ANKFY1: variants seen among roughly 807,000 people sequenced by gnomAD.
ANKFY1 encodes the protein ankyrin repeat and FYVE domain containing 1, also known as ankyrin repeat and FYVE domain-containing protein 1.
In ANKFY1, 47 loss-of-function variants were observed where a neutral mutation model predicts 128.3. That is an observed-to-expected ratio of 0.37 (90% CI 0.29 to 0.47). ANKFY1 has a LOEUF of 0.47. Among genes scored for constraint, ANKFY1 ranks in the 20% least tolerant of loss-of-function variants. The probability of loss-of-function intolerance (pLI) is 1.00; values close to 1 mark genes in which losing one functional copy is unlikely to be tolerated. For missense variants in ANKFY1, 1,222 were observed against 1,510.6 expected (o/e 0.81, Z 3.17); for synonymous variants, 553 against 601.6 (o/e 0.92, Z 1.18).
Position 4,169,867 on chromosome 17 carries a change from ACTGG to A in ANKFY1, c.3287-583_3287-580del, listed in dbSNP as rs1187174918. ...ACAGGAATGACAATCACTTGGATTTACTGGCTGAACTCTCACTCTATCCCAGGCA... is the reference window on the plus strand; with the variant it reads ...ACAGGAATGACAATCACTTGGATTTACTGAACTCTCACTCTATCCCAGGCA... On this transcript the variant is annotated intron_variant, in intron 23 of 24. Transcript: ENST00000341657. The surrounding 1 kb of genome is among the most constrained non-coding windows in gnomAD (Gnocchi z 5.0). Among the ~76,000 whole-genome samples the A allele has an allele frequency of 6.6e-6, 1 of 152,214 alleles. No homozygotes were observed. Among genetic ancestry groups the A allele is most frequent in the African/African-American group, 2.4e-5 (1 of 41,448 alleles).
At chr17:4,242,676 T>C (rs1196240624) in intron 1 of ANKFY1, among the ~76,000 whole-genome samples, 1 of 152,198 alleles carries the variant, frequency 6.6e-6, no homozygotes, top group Non-Finnish European at 1.5e-5. Flanking sequence ...GGGGAATCAC[T>C]TGAGCCCAGG....
intron 1 of ANKFY1, among the ~76,000 whole-genome samples, chr17:4,259,982 C>T (rs7222085): frequency 6.6e-6 from 1 of 152,112 alleles, no homozygotes; most frequent in Non-Finnish European, 1.5e-5. Context: ...GGGACAAAGA[C>T]GCAGAGGTAG....
rs762472932 is a variant in ANKFY1 at position 4,206,433 on chromosome 17, T to G, written c.786A>C (p.Leu262=). The change falls in exon 7 of 25, where the codon CTA becomes CTC. Residue 262 remains leucine, a synonymous_variant. Coordinates refer to ENST00000341657, the MANE Select transcript of ANKFY1 (RefSeq NM_001330063.2). Reference sequence around the variant, plus strand: ...TACTCTCCAGTCGTCGTGAGAGGGCTAGATCTAATGCCAGATCTCCGTTAT... The same window carrying G: ...TACTCTCCAGTCGTCGTGAGAGGGCGAGATCTAATGCCAGATCTCCGTTAT... The part of the protein sequence containing the change: ...ADHNGDLALD[L]ALSRRLESIA... The G allele has an allele frequency of 6.6e-5, 106 of 1,614,058 alleles. No individual in the cohort carries two copies. Among genetic ancestry groups the G allele is most frequent in the Non-Finnish European group, 8.7e-5 (103 of 1,179,978 alleles).
In ANKFY1 at chr17:4,167,956, G is replaced by C. The variant is rs2059240623; in HGVS notation, c.3378-45C>G. 1.9e-6 allele frequency: 3 copies of C among 1,588,738 alleles called. No homozygotes were observed. The East Asian group carries it at 6.7e-5, about 36-fold the overall frequency. On this transcript the variant is annotated intron_variant, in intron 24 of 24. Coordinates refer to ENST00000341657, the MANE Select transcript of ANKFY1 (RefSeq NM_001330063.2). This position sits in a 1 kb window ranked among gnomAD's most constrained non-coding sequence, Gnocchi z 4.1. Reference sequence around the variant, plus strand: ...AAGTATGAGAGGAGCGCCAACGACAGACTCTGCTTCCTGGCACGTGAGGAC... The same window carrying C: ...AAGTATGAGAGGAGCGCCAACGACACACTCTGCTTCCTGGCACGTGAGGAC...
rs111687457 is a variant in ANKFY1 at position 4,183,736 on chromosome 17, G to A, written c.1798+76C>T. 6.7e-4 allele frequency: 992 copies of A among 1,480,422 alleles called. 7 individuals carry two copies. In the African/African-American group the frequency reaches 0.012, roughly 18 times the overall value. 91.7% of individuals were successfully genotyped at this position (1,480,422 alleles called of 1,614,324 possible). A position where few individuals can be genotyped will look rare whatever the true frequency, so the allele number is the denominator to read the frequency against. On this transcript the variant is annotated intron_variant, in intron 13 of 24. Transcript: ENST00000341657. ...TAGCCCAGTCTCCTCTTTCTTTCTC[G>A]CTCCCTCTGTCCCACCCGGCCCCAC...
intron 1 of ANKFY1, among the ~76,000 whole-genome samples, chr17:4,253,382 T>C (rs77248859): frequency 0.016 from 2,434 of 152,350 alleles, 58 homozygotes; most frequent in African/African-American, 0.056. Context: ...CTGGTGGTTA[T>C]ATGACTGTAT....
intron 4 of ANKFY1, among the ~76,000 whole-genome samples, chr17:4,215,515 T>G (rs1186355190): frequency 2.0e-5 from 3 of 152,220 alleles, no homozygotes; most frequent in Admixed American, 6.5e-5. Flanking sequence ...ATGTAATTCC[T>G]TCCAAGGACA....
chr17:4,170,790 C>A lies in ANKFY1; in HGVS notation c.3211G>T (p.Gly1071Trp). 1 of 1,614,146 alleles carries A rather than the reference C, an allele frequency of 6.2e-7. No homozygotes were observed. Among genetic ancestry groups the A allele is most frequent in the South Asian group, 1.1e-5 (1 of 91,082 alleles). ...TTGACTCCCTGGTTGTTATTCACCC[C>A]GAGGCGAGCCCCCGACCGGACGATG... ...RAIVRSGARL[G>W]VNNNQGVNIF... Residue 1071 changes from glycine to tryptophan, a missense_variant, in exon 23 of 25, where the codon GGG (glycine) becomes TGG (tryptophan). Transcript: ENST00000341657.
chr17:4,174,392 A>C (rs550244359), intron 19 of ANKFY1, among the ~76,000 whole-genome samples: 16 of 152,300 alleles, frequency 1.1e-4, no homozygotes, highest in African/African-American at 3.8e-4. Context: ...TGGAATAGGA[A>C]AGCCTGAAGG....
At chr17:4,254,625 T>C (rs1369127076) in intron 1 of ANKFY1, among the ~76,000 whole-genome samples, 1 of 152,160 alleles carries the variant, frequency 6.6e-6, no homozygotes, top group Non-Finnish European at 1.5e-5. Context: ...ATCTAGCTTG[T>C]GGAAATCTGT....
chr17:4,213,653 G>A (rs1359821240), intron 4 of ANKFY1, among the ~76,000 whole-genome samples: 2 of 146,218 alleles, frequency 1.4e-5, no homozygotes, highest in African/African-American at 2.6e-5. Flanking sequence ...TGCAACCTCC[G>A]CCTCCCAGGT....
At chr17:4,214,858 A>G (rs1445822927) in intron 4 of ANKFY1, among the ~76,000 whole-genome samples, 1 of 152,268 alleles carries the variant, frequency 6.6e-6, no homozygotes, top group Middle Eastern at 3.2e-3. Context: ...GACAGAAGGT[A>G]AACAATGATT....
chr17:4,259,194 CAATT>C (rs1038975167), intron 1 of ANKFY1, among the ~76,000 whole-genome samples: 2 of 152,226 alleles, frequency 1.3e-5, no homozygotes, highest in Non-Finnish European at 2.9e-5. Flanking sequence ...AGACTGACAG[CAATT>C]AATTGACTTG....
chr17:4,262,690 T>TG (rs1968486918), intron 1 of ANKFY1, among the ~76,000 whole-genome samples: 1 of 152,014 alleles, frequency 6.6e-6, no homozygotes, highest in Non-Finnish European at 1.5e-5. Flanking sequence ...GAAGCTACAG[T>TG]GAGCCGTGAC....
chr17:4,204,398 C>G (rs2143014423), intron 7 of ANKFY1, among the ~76,000 whole-genome samples: 1 of 152,310 alleles, frequency 6.6e-6, no homozygotes, highest in South Asian at 2.1e-4. Flanking sequence ...AACAGATGAG[C>G]TCAGATTCAA....
chr17:4,227,142 A>G (rs181796714), intron 3 of ANKFY1, among the ~76,000 whole-genome samples: 5 of 152,336 alleles, frequency 3.3e-5, no homozygotes, highest in Admixed American at 1.3e-4. Context: ...AATTCTATCA[A>G]ACATTCAAGA....
At chr17:4,185,459 T>C (rs944367752) in intron 11 of ANKFY1, among the ~76,000 whole-genome samples, 4 of 151,882 alleles carry the variant, frequency 2.6e-5, no homozygotes, top group African/African-American at 9.7e-5. Flanking sequence ...CAACTCGGAC[T>C]CCCAAAGTGC....
chr17:4,218,494 C>T (rs1462624725), intron 3 of ANKFY1, among the ~76,000 whole-genome samples: 1 of 152,196 alleles, frequency 6.6e-6, no homozygotes, highest in Non-Finnish European at 1.5e-5. Context: ...CGCCTGTAAT[C>T]TCAATGCTTT....
chr17:4,223,832 C>A, intron 3 of ANKFY1: 1 of 1,267,564 alleles, frequency 7.9e-7, no homozygotes, highest in African/African-American at 1.5e-5. Flanking sequence ...ACGTCTGACT[C>A]TTCTCTCGCA....
Sources: gnomAD v4.1 joint callset for allele counts (sites outside exome capture counted in the v4.1 genomes callset) on GRCh38, gnomAD v4.1.1 for gene constraint, Gnocchi (gnomAD v3.1) non-coding constraint, MANE v1.5 for transcripts, NCBI Gene and HGNC (gene_info 2026-07-23, HGNC 2026-07-21) for gene names.